Variants in OTUD3 observed in about 807,000 individuals in gnomAD.
OTUD3 encodes the protein OTU domain-containing protein 3.
In OTUD3, 24 loss-of-function variants were observed where a neutral mutation model predicts 46.2. The observed-to-expected ratio is 0.52, with a 90% CI of 0.38 to 0.73. The LOEUF (loss-of-function observed/expected upper bound fraction) is 0.73. Ranked by LOEUF, OTUD3 falls within the 30% of genes least tolerant of loss-of-function variation. OTUD3 has a pLI of 0.00. For synonymous variants in OTUD3, 189 were observed against 195.4 expected, an observed-to-expected ratio of 0.97 and a Z score of 0.27; for missense variants, 455 against 523.3, an observed-to-expected ratio of 0.87 and a Z score of 1.27.
chr1:19,893,197 C>T (rs72658583), intron 2 of OTUD3, among the ~76,000 whole-genome samples: 16,348 of 152,186 alleles, frequency 0.11, 998 homozygotes, highest in Admixed American at 0.15. Flanking sequence ...CTGCAGGGTT[C>T]GAGAACACAG....
chr1:19,906,553 A>C lies in OTUD3; in HGVS notation c.957A>C (p.Glu319Asp), dbSNP rs1334271087. 6.2e-7 allele frequency: 1 copy of C among 1,613,746 alleles called. No homozygotes were observed. Among genetic ancestry groups the C allele is most frequent in the Non-Finnish European group, 8.5e-7 (1 of 1,180,036 alleles). ...GNQGLNEGRTENNKAQASPSE... is the reference protein window; with the variant it reads ...GNQGLNEGRTDNNKAQASPSE... ...AGGGCTTAAATGAAGGCAGGACCGA[A>C]AACAATAAGGCACAGGCCAGCCCTA... The change falls in exon 7 of 8, where the codon GAA becomes GAC. Residue 319 changes from glutamate (E) to aspartate (D), a missense_variant. Coordinates refer to ENST00000375120, the MANE Select transcript of OTUD3 (RefSeq NM_015207.2).
Position 19,882,483 on chromosome 1 carries a change from C to T in OTUD3, c.-31C>T. 3 of 1,346,278 alleles carry T rather than the reference C, an allele frequency of 2.2e-6. No homozygotes were observed. The highest frequency in any genetic ancestry group is 1.9e-5 in the South Asian group (1 of 52,438). The allele number at this position is 1,346,278 out of a possible 1,614,324, so 83.4% of individuals were successfully genotyped here. A position where few individuals can be genotyped will look rare whatever the true frequency, so the allele number is the denominator to read the frequency against. On this transcript the variant is annotated 5_prime_UTR_variant, in exon 1 of 8. Coordinates refer to ENST00000375120, the MANE Select transcript of OTUD3 (RefSeq NM_015207.2). ...ACGCTGGGGGGTCCTGCGCCTTTCC[C>T]TCCTGCCGCTGGGGACTGCAGGCTA...
At position 19,882,668 on chromosome 1, in the gene OTUD3, A is replaced by T. The variant is rs1253386239; in HGVS notation, c.155A>T (p.Glu52Val). 6.9e-7 allele frequency: 1 copy of T among 1,458,574 alleles called. No homozygotes were observed. The highest frequency in any genetic ancestry group is 9.0e-7 in the Non-Finnish European group (1 of 1,107,002). The allele number at this position is 1,458,574 out of a possible 1,614,324, so 90.4% of individuals were successfully genotyped here. A position where few individuals can be genotyped will look rare whatever the true frequency, so the allele number is the denominator to read the frequency against. The change falls in exon 1 of 8, where the codon GAG becomes GTG. Residue 52 changes from glutamate to valine, a missense_variant. By Grantham distance (121) the Glu-to-Val change is moderately radical. Transcript: ENST00000375120. ...GGCGGCGGCGGCGGCTGCGAGGAGG[A>T]GTTCGTCAGCTTCGCCAACCAGCTG... is the stretch of plus-strand genomic sequence containing the variant. ...ESGGGGGCEE[E>V]FVSFANQLQA...
intron 2 of OTUD3, 117 bp downstream of exon 2, chr1:19,890,650 T>G (rs1231680215): frequency 1.1e-6 from 1 of 935,498 alleles, no homozygotes; most frequent in African/African-American, 1.6e-5. Flanking sequence ...GACATTCATT[T>G]ATTCAAGAAA....
At chr1:19,897,020 AAG>A (rs1209075165) in intron 3 of OTUD3, among the ~76,000 whole-genome samples, 5 of 152,372 alleles carry the variant, frequency 3.3e-5, no homozygotes, top group African/African-American at 1.2e-4. Flanking sequence ...GTTTTAACGA[AAG>A]GGGTGGATTT....
chr1:19,887,709 C>T (rs1024032427), intron 1 of OTUD3, among the ~76,000 whole-genome samples: 22 of 149,424 alleles, frequency 1.5e-4, no homozygotes, highest in African/African-American at 4.6e-4. Context: ...GTATTGATCA[C>T]GTCCCCCTGA....
intron 4 of OTUD3, among the ~76,000 whole-genome samples, chr1:19,901,069 T>G (rs1413121352): frequency 6.6e-6 from 1 of 151,856 alleles, no homozygotes; most frequent in Non-Finnish European, 1.5e-5. Flanking sequence ...GCCACTACCC[T>G]TGGCTAATGT....
chr1:19,904,445 G>C (rs1052446215), intron 5 of OTUD3, 47 bp downstream of exon 5: 1 of 1,564,982 alleles, frequency 6.4e-7, no homozygotes, highest in Non-Finnish European at 8.7e-7. Flanking sequence ...AAGCATTGCT[G>C]TGCCTAGCTT....
intron 2 of OTUD3, among the ~76,000 whole-genome samples, chr1:19,892,473 A>G (rs1431841383): frequency 6.6e-6 from 1 of 152,162 alleles, no homozygotes. Context: ...TGAATGGTTC[A>G]CTATACTATT....
In OTUD3 at chr1:19,910,753, ATGGG is replaced by A; in HGVS notation, c.*3009_*3012del. 1 of 146,440 alleles carries A rather than the reference ATGGG, an allele frequency of 6.8e-6. No homozygotes were observed. The highest frequency in any genetic ancestry group is 6.8e-5 in the Admixed American group (1 of 14,810). The allele number at this position is 146,440 out of a possible 1,614,324, so 9.1% of individuals were successfully genotyped here. On this transcript the variant is annotated 3_prime_UTR_variant, in exon 8 of 8. Coordinates refer to ENST00000375120, the MANE Select transcript of OTUD3 (RefSeq NM_015207.2). ...GAGCTGGCTGGGAGGGAGCCTCTCC[ATGGG>A]TAATTTATTATGCCTGCCCTGCTTC... is the stretch of plus-strand genomic sequence containing the variant.
rs1383373551 is a variant in OTUD3 at position 19,907,735 on chromosome 1, C to G, written c.1186C>G (p.Leu396Val). Residue 396 changes from leucine to valine, a missense_variant, in exon 8 of 8, where the codon CTC becomes GTC. By Grantham distance (32) the Leu-to-Val change is conservative. Coordinates refer to ENST00000375120, the MANE Select transcript of OTUD3 (RefSeq NM_015207.2). ...QVTLVKTFAA[L>V]NI ...CACCTTGGTGAAGACCTTCGCCGCT[C>G]TCAACATCTGACTCTTTGGCCTCTT... The G allele has an allele frequency of 1.2e-6, 2 of 1,614,106 alleles. No homozygotes were observed. The highest frequency in any genetic ancestry group is 1.7e-6 in the Non-Finnish European group (2 of 1,179,972).
Position 19,882,462 on chromosome 1 carries a change from T to C in OTUD3, c.-52T>C. On this transcript the variant is annotated 5_prime_UTR_variant, in exon 1 of 8. Coordinates refer to ENST00000375120, the MANE Select transcript of OTUD3 (RefSeq NM_015207.2). The stretch of plus-strand genomic sequence containing the variant: ...CCTTCCCAACGCTTGAGGCGGACGC[T>C]GGGGGGTCCTGCGCCTTTCCCTCCT... 7.5e-7 allele frequency: 1 copy of C among 1,327,706 alleles called. No homozygotes were observed. Among genetic ancestry groups the C allele is most frequent in the Non-Finnish European group, 9.6e-7 (1 of 1,044,264 alleles). The allele number at this position is 1,327,706 out of a possible 1,614,324, so 82.2% of individuals were successfully genotyped here.
Position 19,904,198 on chromosome 1 carries a change from T to G in OTUD3, c.607-69T>G, listed in dbSNP as rs1236941070. On this transcript the variant is annotated intron_variant, in intron 4 of 7. Transcript: ENST00000375120. The stretch of plus-strand genomic sequence containing the variant: ...ATGAATTTTTCCAGATTAGAGTGTC[T>G]TGTGTTAAAGATTCTGAACATAGTT... 3 of 1,276,776 alleles carry G rather than the reference T, an allele frequency of 2.3e-6. No homozygotes were observed. In the African/African-American group the frequency reaches 4.5e-5, roughly 19 times the overall value. 79.1% of individuals were successfully genotyped at this position (1,276,776 alleles called of 1,614,324 possible).
At chr1:19,891,007 A>T (rs2045438538) in intron 2 of OTUD3, among the ~76,000 whole-genome samples, 1 of 152,238 alleles carries the variant, frequency 6.6e-6, no homozygotes, top group African/African-American at 2.4e-5. Flanking sequence ...TGAAGATTAA[A>T]TTAGATAACA....
chr1:19,882,697 G>A lies in OTUD3; in HGVS notation c.184G>A (p.Ala62Thr). The change falls in exon 1 of 8, where the codon GCC becomes ACC. Residue 62 changes from alanine to threonine, a missense_variant. By Grantham distance (58) the Ala-to-Thr change is moderately conservative (BLOSUM62 0). Transcript: ENST00000375120. ...EFVSFANQLQ[A>T]LGLKLREVPG... ...CGTCAGCTTCGCCAACCAGCTGCAG[G>A]CCCTGGGGCTGAAGCTGCGGGAGGT... 1 of 1,430,328 alleles carries A rather than the reference G, an allele frequency of 7.0e-7. No individual in the cohort carries two copies. The highest frequency in any genetic ancestry group is 9.2e-7 in the Non-Finnish European group (1 of 1,091,698). 88.6% of individuals were successfully genotyped at this position (1,430,328 alleles called of 1,614,324 possible).
Position 19,909,742 on chromosome 1 carries a change from A to G in OTUD3, c.*1996A>G, listed in dbSNP as rs902681459. On this transcript the variant is annotated 3_prime_UTR_variant, in exon 8 of 8. Transcript: ENST00000375120. Reference sequence around the variant, plus strand: ...GTAGAATTGCTTTATTTACTTGGTTAATGAAGGTGGCCTTGGGCCCTATTG... The same window carrying G: ...GTAGAATTGCTTTATTTACTTGGTTGATGAAGGTGGCCTTGGGCCCTATTG... 3.3e-5 allele frequency: 5 copies of G among 152,358 alleles called. No individual in the cohort carries two copies. The highest frequency in any genetic ancestry group is 3.3e-4 in the Admixed American group (5 of 15,290). The allele number at this position is 152,358 out of a possible 1,614,324, so 9.4% of individuals were successfully genotyped here.
At chr1:19,897,734 G>A (rs1006756237) in intron 4 of OTUD3, 72 bp downstream of exon 4, 3 of 1,433,694 alleles carry the variant, frequency 2.1e-6, no homozygotes, top group Non-Finnish European at 1.9e-6. Flanking sequence ...TATATCTGGC[G>A]CTAAAAACCA....
intron 4 of OTUD3, chr1:19,897,946 C>CA: frequency 5.0e-6 from 1 of 199,786 alleles, no homozygotes. Context: ...TTAATCCACA[C>CA]CTTTTTTTTT....
In OTUD3 at chr1:19,907,785, A is replaced by G. The variant is rs377131030; in HGVS notation, c.*39A>G. The G allele has an allele frequency of 1.2e-6, 2 of 1,601,970 alleles. No individual in the cohort carries two copies. The highest frequency in any genetic ancestry group is 2.2e-5 in the East Asian group (1 of 44,782). ...TGGGAGTTGTAAGAAGCGGCTGGAA[A>G]AGGATTGCTGTGTGCTAGACTTTCC... On this transcript the variant is annotated 3_prime_UTR_variant, in exon 8 of 8. Coordinates refer to ENST00000375120, the MANE Select transcript of OTUD3 (RefSeq NM_015207.2).
Sources: gnomAD v4.1 joint callset for allele counts (sites outside exome capture counted in the v4.1 genomes callset) on GRCh38, gnomAD v4.1.1 for gene constraint, MANE v1.5 for transcripts, NCBI Gene and HGNC (gene_info 2026-07-23, HGNC 2026-07-21) for gene names.